The following JAK1 variants were observed in gnomAD, a reference collection of about 807,000 sequenced individuals.
JAK1 encodes tyrosine-protein kinase JAK1.
Under a neutral mutation model 136.6 loss-of-function variants are expected in JAK1, and 16 were observed. The observed-to-expected ratio is 0.12, with a 90% CI of 0.08 to 0.18. The LOEUF is 0.18. Ranked by LOEUF, JAK1 falls within the 10% of genes least tolerant of loss-of-function variation. The probability of loss-of-function intolerance (pLI) is 1.00; values close to 1 mark genes in which losing one functional copy is unlikely to be tolerated. For missense variants in JAK1, 859 were observed against 1,450.1 expected, an observed-to-expected ratio of 0.59 and a Z score of 6.62; for synonymous variants, 492 against 519.5, an observed-to-expected ratio of 0.95 and a Z score of 0.72.
intron 9 of JAK1, among the ~76,000 whole-genome samples, chr1:64,858,468 T>A (rs926144919): frequency 1.3e-5 from 2 of 152,226 alleles, no homozygotes; most frequent in Non-Finnish European, 2.9e-5. Context: ...TGACCTCTCA[T>A]CTAGGTACCC....
chr1:64,869,143 C>T lies in JAK1; in HGVS notation c.647+168G>A, dbSNP rs573905099. 5.9e-5 allele frequency among the ~76,000 whole-genome samples: 9 copies of T among 152,270 alleles called. No individual in the cohort carries two copies. In the South Asian group the frequency reaches 1.9e-3, roughly 32 times the overall value. The stretch of plus-strand genomic sequence containing the variant: ...GCAGCCAACATCCAAAATCAAGACA[C>T]AATTATAATTAGGCTACGTGTATGT... On this transcript the variant is annotated intron_variant, in intron 6 of 24. Coordinates refer to ENST00000342505, the MANE Select transcript of JAK1 (RefSeq NM_002227.4).
intron 2 of JAK1, among the ~76,000 whole-genome samples, chr1:65,025,217 C>T (rs1569900357): frequency 6.6e-6 from 1 of 152,136 alleles, no homozygotes; most frequent in African/African-American, 2.4e-5. Context: ...ACTGCAGTGG[C>T]CAAGAGGAAT....
At chr1:65,024,230 A>G (rs1262187548) in intron 2 of JAK1, among the ~76,000 whole-genome samples, 2 of 152,184 alleles carry the variant, frequency 1.3e-5, no homozygotes, top group East Asian at 1.9e-4. Flanking sequence ...CCAGCAAGGT[A>G]CAAGGGTTCT....
intron 1 of JAK1, chr1:65,058,565 T>G (rs1170952619): frequency 3.8e-6 from 2 of 520,690 alleles, no homozygotes. Flanking sequence ...CATTACTCTC[T>G]CTGAAGGCTC....
chr1:65,065,979 G>C (rs1387768613), intron 1 of JAK1, among the ~76,000 whole-genome samples: 1 of 151,808 alleles, frequency 6.6e-6, no homozygotes, highest in Non-Finnish European at 1.5e-5. Flanking sequence ...ATCACAACTT[G>C]CCGGGGGAAA....
At chr1:65,057,648 C>T (rs973314897) in intron 1 of JAK1, 2 of 154,634 alleles carry the variant, frequency 1.3e-5, no homozygotes, top group East Asian at 3.8e-4. Context: ...ATGATCATGC[C>T]ACTGCACTCC....
intron 1 of JAK1, among the ~76,000 whole-genome samples, chr1:64,902,502 A>C (rs139205840): frequency 6.7e-6 from 1 of 148,800 alleles, no homozygotes; most frequent in East Asian, 2.0e-4. Context: ...CAAGGATCTG[A>C]GTATATAACA....
intron 19 of JAK1, among the ~76,000 whole-genome samples, chr1:64,840,885 C>A (rs1215669379): frequency 6.6e-6 from 1 of 152,052 alleles, no homozygotes; most frequent in East Asian, 1.9e-4. Context: ...CCGGGAAAGT[C>A]AGAGGCAAGG....
chr1:65,059,080 T>A (rs1647676960), intron 1 of JAK1, among the ~76,000 whole-genome samples: 1 of 151,936 alleles, frequency 6.6e-6, no homozygotes, highest in Non-Finnish European at 1.5e-5. Context: ...AATGAATTAT[T>A]CATTAATTCA....
At chr1:64,874,279 C>G (rs1657257450) in intron 4 of JAK1, among the ~76,000 whole-genome samples, 1 of 151,926 alleles carries the variant, frequency 6.6e-6, no homozygotes, top group Admixed American at 6.5e-5. Context: ...TCCATTCATA[C>G]ACAGATTTTT....
intron 2 of JAK1, among the ~76,000 whole-genome samples, chr1:64,997,159 C>T (rs541268430): frequency 2.6e-5 from 4 of 152,250 alleles, no homozygotes; most frequent in East Asian, 1.9e-4. Flanking sequence ...ATGAAGGTAA[C>T]GTCAATCTAT....
intron 10 of JAK1, among the ~76,000 whole-genome samples, chr1:64,856,456 C>A (rs1269455100): frequency 6.6e-6 from 1 of 152,152 alleles, no homozygotes; most frequent in Non-Finnish European, 1.5e-5. Flanking sequence ...ACGCTTGGCA[C>A]AGGGTCTGGT....
intron 2 of JAK1, among the ~76,000 whole-genome samples, chr1:65,015,444 CAG>C (rs1158510587): frequency 3.3e-5 from 5 of 150,880 alleles, no homozygotes; most frequent in Admixed American, 6.6e-5. Flanking sequence ...ATAATAAAGA[CAG>C]AATATAGCCT....
rs1344697850 is a variant in JAK1 at position 64,844,184 on chromosome 1, A to C, written c.2283T>G (p.Pro761=). 1 of 1,614,248 alleles carries C rather than the reference A, an allele frequency of 6.2e-7. No individual in the cohort carries two copies. Among genetic ancestry groups the C allele is most frequent in the Middle Eastern group, 1.7e-4 (1 of 6,060 alleles). ...ECIERIPWIA[P]ECVEDSKNLS... ...GGTTCTTGGAGTCCTCAACACACTC[A>C]GGAGCAATCCATGGGATTCGTTCAA... Residue 761 remains proline (P), a synonymous_variant, in exon 17 of 25, where the codon CCT becomes CCG. Transcript: ENST00000342505. This position sits in a 1 kb window ranked among gnomAD's most constrained non-coding sequence, Gnocchi z 5.7.
At chr1:65,051,584 C>T (rs1647285583) in intron 1 of JAK1, among the ~76,000 whole-genome samples, 1 of 152,026 alleles carries the variant, frequency 6.6e-6, no homozygotes. Context: ...ACAGCTAGCC[C>T]CCAGTGGACC....
intron 5 of JAK1, among the ~76,000 whole-genome samples, chr1:64,870,726 G>C (rs908067548): frequency 6.6e-6 from 1 of 152,124 alleles, no homozygotes; most frequent in Non-Finnish European, 1.5e-5. Context: ...TTTCCCTGAA[G>C]AACTTCAGAT....
At chr1:64,948,783 C>G (rs11208554) in intron 1 of JAK1, among the ~76,000 whole-genome samples, 84,669 of 152,160 alleles carry the variant, frequency 0.56, 28,215 homozygotes, top group Non-Finnish European at 0.76. Flanking sequence ...TCCCACAGGA[C>G]TATCTTCCAG....
In JAK1 at chr1:65,012,957, G is replaced by A. The variant is rs575092764; in HGVS notation, c.-78+31523C>T. Among the ~76,000 whole-genome samples, 55 of 151,980 alleles carry A rather than the reference G, an allele frequency of 3.6e-4. 1 individual carries two copies. Among genetic ancestry groups the A allele is most frequent in the African/African-American group, 1.2e-3 (50 of 41,460 alleles). On this transcript the variant is annotated intron_variant, in intron 2 of 25. Transcript: ENST00000671954. ...AAATACAAAACTGGTTTAGCTGGGC[G>A]TGGTGGCGAGCACCTGTAGTCCTAG...
intron 2 of JAK1, among the ~76,000 whole-genome samples, chr1:65,028,149 AGC>A (rs1198739617): frequency 6.6e-6 from 1 of 152,014 alleles, no homozygotes; most frequent in Non-Finnish European, 1.5e-5. Flanking sequence ...CTTTTCCCTC[AGC>A]TACACTAATA....
Sources: gnomAD v4.1 joint callset for allele counts (sites outside exome capture counted in the v4.1 genomes callset) on GRCh38, gnomAD v4.1.1 for gene constraint, Gnocchi (gnomAD v3.1) non-coding constraint, MANE v1.5 for transcripts, NCBI Gene and HGNC (gene_info 2026-07-23, HGNC 2026-07-21) for gene names.